Variants in NPRL3 observed in about 807,000 individuals in gnomAD.
The protein encoded by NPRL3 is NPR3 like, GATOR1 complex subunit, also known as GATOR1 complex protein NPRL3.
NPRL3 carries 23 observed loss-of-function variants against 57.2 expected under a neutral mutation model. That is an observed-to-expected ratio of 0.40 (90% CI 0.29 to 0.57). The LOEUF (loss-of-function observed/expected upper bound fraction) is 0.57. Ranked by LOEUF, NPRL3 falls within the 20% of genes least tolerant of loss-of-function variation. The probability of loss-of-function intolerance (pLI) is 0.42; values close to 1 mark genes in which losing one functional copy is unlikely to be tolerated. For synonymous variants in NPRL3, 333 were observed against 321.1 expected, an observed-to-expected ratio of 1.04 and a Z score of -0.39; for missense variants, 691 against 767.1, an observed-to-expected ratio of 0.90 and a Z score of 1.17.
At chr16:119,405 C>T (rs1900191694) in intron 3 of NPRL3, 150 bp from the exon 4 acceptor site, 1 of 706,368 alleles carries the variant, frequency 1.4e-6, no homozygotes, top group East Asian at 2.7e-5. Flanking sequence ...TAACAGTTGC[C>T]CTTCTGTAGC....
chr16:128,683 G>T (rs576797949), intron 3 of NPRL3, among the ~76,000 whole-genome samples: 7 of 152,206 alleles, frequency 4.6e-5, no homozygotes, highest in Non-Finnish European at 1.0e-4. Flanking sequence ...CAGGAGAATG[G>T]TGTGAACCCG....
rs562683827 is a variant in NPRL3 at position 87,060 on chromosome 16, C to T, written c.1545-190G>A. Among the ~76,000 whole-genome samples the T allele has an allele frequency of 6.6e-5, 10 of 152,324 alleles. No homozygotes were observed. In the South Asian group the frequency reaches 8.3e-4, roughly 13 times the overall value. On this transcript the variant is annotated intron_variant, in intron 13 of 13. Transcript: ENST00000611875. ...GGCCTCCTGGACCCCATGCCCACCA[C>T]GGTCCCGCTGACCACCAGGTGGGCG...
chr16:127,749 G>T (rs1240037332), intron 3 of NPRL3, among the ~76,000 whole-genome samples: 1 of 149,618 alleles, frequency 6.7e-6, no homozygotes, highest in African/African-American at 2.5e-5. Flanking sequence ...CCGCCTCCCG[G>T]GTTCACGCCA....
intron 9 of NPRL3, among the ~76,000 whole-genome samples, chr16:94,941 C>G (rs757732166): frequency 7.9e-5 from 12 of 152,116 alleles, no homozygotes; most frequent in Non-Finnish European, 1.2e-4. Context: ...TACTTAAGGG[C>G]AAGCATAAGG....
At chr16:99,869 G>A (rs1216706039) in intron 8 of NPRL3, among the ~76,000 whole-genome samples, 1 of 146,536 alleles carries the variant, frequency 6.8e-6, no homozygotes, top group South Asian at 2.2e-4. Context: ...GGAGGTGGAC[G>A]TAGTGGTGAG....
In NPRL3 at chr16:95,344, TATATATACAC is replaced by T. The variant is rs1343882106; in HGVS notation, c.925-2029_925-2020del. On this transcript the variant is annotated intron_variant, in intron 9 of 13. Transcript: ENST00000611875. Reference sequence around the variant, plus strand: ...GTGTGTGTATATATATATATATATATATATATACACACACACACACACACACACACACACA... The same window carrying T: ...GTGTGTGTATATATATATATATATATACACACACACACACACACACACACA... Among the ~76,000 whole-genome samples the T allele has an allele frequency of 2.8e-3, 165 of 59,328 alleles. 1 individual carries two copies. The highest frequency in any genetic ancestry group is 3.9e-3 in the African/African-American group (97 of 24,844). The allele number at this position is 59,328 out of a possible 152,430, so 38.9% of individuals were successfully genotyped here. A position where few individuals can be genotyped will look rare whatever the true frequency, so the allele number is the denominator to read the frequency against.
intron 3 of NPRL3, among the ~76,000 whole-genome samples, chr16:129,179 G>A (rs1403070920): frequency 6.6e-6 from 1 of 152,190 alleles, no homozygotes; most frequent in Non-Finnish European, 1.5e-5. Context: ...TCAGCAGCCT[G>A]GGCCTCACAT....
In NPRL3 at chr16:127,464, G is replaced by A. The variant is rs376322519; in HGVS notation, c.188+3058C>T. Among the ~76,000 whole-genome samples, 65 of 151,930 alleles carry A rather than the reference G, an allele frequency of 4.3e-4. No individual in the cohort carries two copies. The South Asian group carries it at 0.012, about 27-fold the overall frequency. ...TGTCCAGACTGTTCTCAAACATCTG[G>A]CCTCAAGTGATCCCCCCGCCTTGGA... On this transcript the variant is annotated intron_variant, in intron 3 of 13. Coordinates refer to ENST00000611875, the MANE Select transcript of NPRL3 (RefSeq NM_001077350.3).
At chr16:110,003 G>T (rs216087) in intron 7 of NPRL3, among the ~76,000 whole-genome samples, 3 of 87,654 alleles carry the variant, frequency 3.4e-5, no homozygotes, top group Non-Finnish European at 9.2e-5. Context: ...CTGGCCGGGC[G>T]CGGTGCTCAC....
chr16:136,397 A>T (rs1292182074), intron 2 of NPRL3, among the ~76,000 whole-genome samples: 6 of 152,218 alleles, frequency 3.9e-5, no homozygotes, highest in Admixed American at 3.3e-4. Flanking sequence ...TAGAAAAAAA[A>T]CACAAGTGCA....
At chr16:88,572 ACTCCAT>A in intron 13 of NPRL3, 120 bp downstream of exon 13, 1 of 862,844 alleles carries the variant, frequency 1.2e-6, no homozygotes, top group Non-Finnish European at 1.8e-6. Context: ...GAATGCAGAG[ACTCCAT>A]CTCGAACAGG....
chr16:127,906 T>C (rs184890525), intron 3 of NPRL3, among the ~76,000 whole-genome samples: 108 of 152,122 alleles, frequency 7.1e-4, no homozygotes, highest in Middle Eastern at 3.4e-3. Flanking sequence ...CCGCCCGCCT[T>C]GGCCTCCCAA....
At chr16:120,837 C>G (rs1354635686) in intron 3 of NPRL3, among the ~76,000 whole-genome samples, 1 of 152,194 alleles carries the variant, frequency 6.6e-6, no homozygotes, top group Non-Finnish European at 1.5e-5. Flanking sequence ...AAATGGCTCA[C>G]TCTGTTCTAT....
intron 5 of NPRL3, among the ~76,000 whole-genome samples, chr16:113,606 A>G (rs1470046281): frequency 8.5e-5 from 13 of 152,196 alleles, no homozygotes; most frequent in African/African-American, 2.2e-4. Flanking sequence ...GAGGGAGCAG[A>G]TAACTGGGCC....
chr16:121,619 CAAA>C, intron 3 of NPRL3, among the ~76,000 whole-genome samples: 1 of 143,636 alleles, frequency 7.0e-6, no homozygotes, highest in South Asian at 2.2e-4. Flanking sequence ...AACTCCGTCT[CAAA>C]AAAAAAAACA....
chr16:109,702 C>G (rs759554098), intron 7 of NPRL3, among the ~76,000 whole-genome samples: 157 of 152,192 alleles, frequency 1.0e-3, no homozygotes, highest in Admixed American at 3.5e-3. Flanking sequence ...CAGCAACACA[C>G]GAGATGCCTC....
intron 5 of NPRL3, among the ~76,000 whole-genome samples, chr16:116,793 C>G (rs1156467314): frequency 7.0e-6 from 1 of 143,238 alleles, no homozygotes; most frequent in Non-Finnish European, 1.5e-5. Context: ...CGAGACCCCC[C>G]CCCCCCACCG....
intron 12 of NPRL3, 105 bp from the exon 13 acceptor site, chr16:88,995 AC>A: frequency 9.8e-7 from 1 of 1,025,324 alleles, no homozygotes; most frequent in Non-Finnish European, 1.5e-6. Flanking sequence ...CCTAACTCCT[AC>A]AAGGGTTAGG....
In NPRL3 at chr16:86,525, C is replaced by T; in HGVS notation, c.*180G>A. ...AGAGGGCAGCAGCCCCACAGCGGAA[C>T]CACCAGGGGCAAGGACAGCGGGGCT... is the stretch of plus-strand genomic sequence containing the variant. On this transcript the variant is annotated 3_prime_UTR_variant, in exon 14 of 14. Coordinates refer to ENST00000611875, the MANE Select transcript of NPRL3 (RefSeq NM_001077350.3). 5 of 621,524 alleles carry T rather than the reference C, an allele frequency of 8.0e-6. No individual in the cohort carries two copies. The South Asian group carries it at 1.0e-4, about 13-fold the overall frequency. The allele number at this position is 621,524 out of a possible 1,614,324, so 38.5% of individuals were successfully genotyped here.
Sources: allele counts gnomAD v4.1 joint callset (sites outside exome capture counted in the v4.1 genomes callset), GRCh38; gene constraint gnomAD v4.1.1; transcripts MANE v1.5; gene names NCBI Gene and HGNC (gene_info 2026-07-23, HGNC 2026-07-21).